Variants in KCNH1 observed in about 807,000 individuals in gnomAD.
KCNH1 encodes the protein voltage-gated delayed rectifier potassium channel KCNH1.
A neutral mutation model predicts 69.2 loss-of-function variants in KCNH1; 27 were observed. That is an observed-to-expected ratio of 0.39 (90% confidence interval 0.29 to 0.54). The LOEUF (loss-of-function observed/expected upper bound fraction) is 0.54. Among genes scored for constraint, KCNH1 ranks in the 20% least tolerant of loss-of-function variants. KCNH1 has a pLI of 0.68. For synonymous variants in KCNH1, 456 were observed against 487.7 expected, an observed-to-expected ratio of 0.93 and a Z score of 0.86; for missense variants, 798 against 1,261.6, an observed-to-expected ratio of 0.63 and a Z score of 5.57.
At chr1:210,838,347 G>A (rs1195888540) in intron 7 of KCNH1, among the ~76,000 whole-genome samples, 1 of 152,120 alleles carries the variant, frequency 6.6e-6, no homozygotes. Flanking sequence ...ATCAACTAAA[G>A]ATGGATTAAA....
chr1:210,805,165 C>T (rs1684523406), intron 7 of KCNH1, among the ~76,000 whole-genome samples: 1 of 152,182 alleles, frequency 6.6e-6, no homozygotes, highest in Admixed American at 6.5e-5. Context: ...TTTGCCTGTT[C>T]CCTGACAGTG....
intron 6 of KCNH1, among the ~76,000 whole-genome samples, chr1:210,953,467 CT>C (rs1688102125): frequency 6.6e-6 from 1 of 152,168 alleles, no homozygotes. Context: ...CTTACCCTGG[CT>C]TCTGTGAAAA....
chr1:210,972,046 T>C (rs983769273), intron 6 of KCNH1, among the ~76,000 whole-genome samples: 1 of 152,166 alleles, frequency 6.6e-6, no homozygotes, highest in South Asian at 2.1e-4. Flanking sequence ...CAAATGCCTG[T>C]GACCTTATGT....
At chr1:211,086,781 T>C (rs1415928556) in intron 4 of KCNH1, among the ~76,000 whole-genome samples, 11 of 152,114 alleles carry the variant, frequency 7.2e-5, no homozygotes, top group Non-Finnish European at 1.6e-4. Flanking sequence ...TGAGAATAAG[T>C]CCAGGGGTAC....
At position 210,683,428 on chromosome 1, in the gene KCNH1, G is replaced by C. The variant is rs143091808; in HGVS notation, c.2823C>G (p.Asn941Lys). ...GTTTCTCAATATTGGTCATTTTGGC[G>C]TTTAAGGCCTTGATGTCCTCCTTCA... ...HELKEDIKAL[N>K]AKMTNIEKQL... Residue 941 changes from asparagine (N) to lysine (K), a missense_variant, in exon 11 of 11, where the codon AAC (asparagine) becomes AAG (lysine). Physicochemically the swap from Asn to Lys is moderately conservative, Grantham distance 94. This residue lies in a region of KCNH1 where 331 missense variants were observed against 363.2 expected (regional missense o/e 0.91). Coordinates refer to ENST00000271751, the MANE Select transcript of KCNH1 (RefSeq NM_172362.3). This position sits in a 1 kb window ranked among gnomAD's most constrained non-coding sequence, Gnocchi z 5.7. 7 of 1,614,010 alleles carry C rather than the reference G, an allele frequency of 4.3e-6. No individual in the cohort carries two copies. The South Asian group carries it at 7.7e-5, about 18-fold the overall frequency.
chr1:210,890,670 T>A (rs1404797685), intron 7 of KCNH1, among the ~76,000 whole-genome samples: 2 of 151,640 alleles, frequency 1.3e-5, no homozygotes, highest in Non-Finnish European at 1.5e-5. Context: ...ATACCCAGGA[T>A]CTACAAGGAA....
At chr1:211,115,740 C>G (rs1194171864) in intron 1 of KCNH1, among the ~76,000 whole-genome samples, 1 of 124,734 alleles carries the variant, frequency 8.0e-6, no homozygotes, top group Non-Finnish European at 1.9e-5. Flanking sequence ...TACACACACA[C>G]ACACACATAC....
intron 6 of KCNH1, among the ~76,000 whole-genome samples, chr1:210,928,801 A>G (rs2102572890): frequency 6.6e-6 from 1 of 152,314 alleles, no homozygotes. Flanking sequence ...AAGATTAACC[A>G]AAAAAGAAAA....
intron 7 of KCNH1, among the ~76,000 whole-genome samples, chr1:210,915,959 A>G (rs558454852): frequency 6.6e-6 from 1 of 152,150 alleles, no homozygotes; most frequent in East Asian, 1.9e-4. Flanking sequence ...GCACTCCAAA[A>G]ACCCACTGGC....
intron 7 of KCNH1, among the ~76,000 whole-genome samples, chr1:210,901,580 G>A (rs1016921193): frequency 1.3e-5 from 2 of 152,146 alleles, no homozygotes; most frequent in African/African-American, 4.8e-5. Flanking sequence ...ACCTGAAGAA[G>A]TGAAAGACAC....
chr1:210,860,335 G>A (rs1685950875), intron 7 of KCNH1: 12 of 1,433,386 alleles, frequency 8.4e-6, no homozygotes, highest in Admixed American at 1.7e-5. Context: ...ATAGAATTCT[G>A]AGACATGCTG....
At chr1:210,805,440 C>G (rs983305527) in intron 7 of KCNH1, among the ~76,000 whole-genome samples, 3 of 152,098 alleles carry the variant, frequency 2.0e-5, no homozygotes, top group African/African-American at 7.2e-5. Context: ...TGTCATGCCT[C>G]TTTGTAATCC....
intron 7 of KCNH1, among the ~76,000 whole-genome samples, chr1:210,807,187 C>T (rs1189099431): frequency 6.6e-6 from 1 of 151,864 alleles, no homozygotes; most frequent in African/African-American, 2.4e-5. Context: ...ATTTAACCAA[C>T]ACTACATTCA....
At chr1:210,806,836 A>AAAAAATATATATAT (rs1553346591) in intron 7 of KCNH1, among the ~76,000 whole-genome samples, 1 of 85,656 alleles carries the variant, frequency 1.2e-5, no homozygotes, top group African/African-American at 5.1e-5. Flanking sequence ...AAAAAAAAAA[A>AAAAAATATATATAT]ATATATATAT....
chr1:210,844,751 G>C (rs932019122), intron 7 of KCNH1, among the ~76,000 whole-genome samples: 1 of 152,080 alleles, frequency 6.6e-6, no homozygotes, highest in African/African-American at 2.4e-5. Context: ...AGGAAATAGA[G>C]ACACAAAAAA....
At chr1:210,740,704 ATTTTTTT>A (rs199727493) in intron 10 of KCNH1, among the ~76,000 whole-genome samples, 1,204 of 117,258 alleles carry the variant, frequency 0.01, 16 homozygotes, top group African/African-American at 0.037. Context: ...TTATGATTAA[ATTTTTTT>A]TTTTTTTTTT....
At chr1:211,014,663 C>T (rs12756697) in intron 6 of KCNH1, among the ~76,000 whole-genome samples, 53,763 of 152,028 alleles carry the variant, frequency 0.35, 9,895 homozygotes, top group Non-Finnish European at 0.38. Context: ...ATGGCAAAGC[C>T]AACACAGCTC....
chr1:210,951,136 C>T (rs1688056026), intron 6 of KCNH1, among the ~76,000 whole-genome samples: 1 of 152,168 alleles, frequency 6.6e-6, no homozygotes, highest in South Asian at 2.1e-4. Flanking sequence ...CAGACTCAAA[C>T]AGCACAACTC....
At chr1:210,973,751 G>A (rs1688553761) in intron 6 of KCNH1, among the ~76,000 whole-genome samples, 1 of 152,026 alleles carries the variant, frequency 6.6e-6, no homozygotes, top group East Asian at 1.9e-4. Context: ...ATTAGTCATT[G>A]CAGCTATTTT....
Sources: gnomAD v4.1 joint callset for allele counts (sites outside exome capture counted in the v4.1 genomes callset) on GRCh38, gnomAD v4.1.1 for gene constraint, gnomAD v4.1.1 regional missense constraint, Gnocchi (gnomAD v3.1) non-coding constraint, MANE v1.5 for transcripts, NCBI Gene and HGNC (gene_info 2026-07-23, HGNC 2026-07-21) for gene names.